PHETA1: variants seen among roughly 807,000 people sequenced by gnomAD.
PHETA1 encodes PH domain containing endocytic trafficking adaptor 1, also known as sesquipedalian-1.
For missense variants in PHETA1, 348 were observed against 373.5 expected (o/e 0.93, Z 0.56); for synonymous variants, 155 against 168.9 (o/e 0.92, Z 0.64).
chr12:111,362,784 G>T lies in PHETA1; in HGVS notation c.644C>A (p.Pro215His), dbSNP rs1428699153. The T allele has an allele frequency of 6.5e-7, 1 of 1,539,982 alleles. No individual in the cohort carries two copies. The highest frequency in any genetic ancestry group is 2.4e-5 in the East Asian group (1 of 40,844). Residue 215 changes from proline (P) to histidine (H), a missense_variant, in exon 3 of 3, where the codon CCC becomes CAC. Transcript: ENST00000683047. ...GGGGGCCATGTCCAGGGGCCCGTGGGGTGCCGAGGCCCGGCGGCGAGGCGG... is the reference window on the plus strand; with the variant it reads ...GGGGGCCATGTCCAGGGGCCCGTGGTGTGCCGAGGCCCGGCGGCGAGGCGG... ...PPPPRRRASA[P>H]HGPLDMAPFA...
chr12:111,366,529 C>G (rs1311935018), intron 1 of PHETA1, among the ~76,000 whole-genome samples: 2 of 152,144 alleles, frequency 1.3e-5, no homozygotes, highest in Non-Finnish European at 2.9e-5. Flanking sequence ...GTTGCCTAAT[C>G]TGTCCACTCC....
rs1358585540 is a variant in PHETA1, at chr12:111,361,595, C to T, written c.*1083G>A. 3 of 277,776 alleles carry T rather than the reference C, an allele frequency of 1.1e-5. 1 individual carries two copies. The highest frequency in any genetic ancestry group is 7.1e-5 in the South Asian group (2 of 28,270). 17.2% of individuals were successfully genotyped at this position (277,776 alleles called of 1,614,324 possible). A position where few individuals can be genotyped will look rare whatever the true frequency, so the allele number is the denominator to read the frequency against. On this transcript the variant is annotated 3_prime_UTR_variant, in exon 3 of 3. Coordinates refer to ENST00000683047, the MANE Select transcript of PHETA1 (RefSeq NM_144671.6). ...AAGAAAGGGGACCGGCGGTCAGCCC[C>T]GAAGCCAAGCAAGACCTGGTCCCCA...
In PHETA1 at chr12:111,363,339, C is replaced by T. The variant is rs749562682; in HGVS notation, c.89G>A (p.Arg30Gln). 3.1e-4 allele frequency: 504 copies of T among 1,612,968 alleles called. No homozygotes were observed. Among genetic ancestry groups the T allele is most frequent in the Non-Finnish European group, 4.0e-4 (472 of 1,179,946 alleles). Residue 30 changes from arginine to glutamine, a missense_variant, in exon 3 of 3, where the codon CGG becomes CAG. Arg to Gln is a conservative substitution (Grantham distance 43). Transcript: ENST00000683047. The surrounding 1 kb of genome is among the most constrained non-coding windows in gnomAD (Gnocchi z 7.4). Reference sequence around the variant, plus strand: ...CCAGCGCCGGTGGTAGGCCGCGTGCCGCCCACCCTTCTTGTACAGGAAGCC... The same window carrying T: ...CCAGCGCCGGTGGTAGGCCGCGTGCTGCCCACCCTTCTTGTACAGGAAGCC... ...NAGFLYKKGG[R>Q]HAAYHRRWFV...
In PHETA1 at chr12:111,363,733, A is replaced by C; in HGVS notation, c.-36-270T>G. ...ATGTTGTGAGTTCCTGCTGCATGCC[A>C]GACATTTCAGAGGAATGAACTCACT... On this transcript the variant is annotated intron_variant, in intron 2 of 2. Transcript: ENST00000683047. The surrounding 1 kb of genome is among the most constrained non-coding windows in gnomAD (Gnocchi z 7.4). 6.7e-7 allele frequency: 1 copy of C among 1,496,728 alleles called. No individual in the cohort carries two copies. Among genetic ancestry groups the C allele is most frequent in the Non-Finnish European group, 8.9e-7 (1 of 1,122,144 alleles). 92.7% of individuals were successfully genotyped at this position (1,496,728 alleles called of 1,614,324 possible).
In PHETA1 at chr12:111,363,412, G is replaced by A. The variant is rs748983328; in HGVS notation, c.16C>T (p.Arg6Cys). 8.1e-6 allele frequency: 13 copies of A among 1,610,474 alleles called. No individual in the cohort carries two copies. Among genetic ancestry groups the A allele is most frequent in the South Asian group, 7.7e-5 (7 of 90,940 alleles). Residue 6 changes from arginine (R) to cysteine (C), a missense_variant, in exon 3 of 3, where the codon CGC becomes TGC. Physicochemically the swap from Arg to Cys is radical, Grantham distance 180. Coordinates refer to ENST00000683047, the MANE Select transcript of PHETA1 (RefSeq NM_144671.6). The surrounding 1 kb of genome is among the most constrained non-coding windows in gnomAD (Gnocchi z 7.4). MKLNE[R>C]SLAFYATCDA... Reference sequence around the variant, plus strand: ...CAGGTGGCGTAGAAGGCCAGGCTGCGCTCGTTCAGCTTCATGGTGGCAATC... The same window carrying A: ...CAGGTGGCGTAGAAGGCCAGGCTGCACTCGTTCAGCTTCATGGTGGCAATC...
Position 111,368,692 on chromosome 12 carries a change from A to G in PHETA1, c.-182+220T>C, listed in dbSNP as rs1869174326. 6.6e-6 allele frequency among the ~76,000 whole-genome samples: 1 copy of G among 152,232 alleles called. No individual in the cohort carries two copies. Among genetic ancestry groups the G allele is most frequent in the Non-Finnish European group, 1.5e-5 (1 of 68,026 alleles). ...GCGGCAGAATGGGGGGCTTATCCGC[A>G]GTCCCCACCAGCGGCAGACGTCCCT... On this transcript the variant is annotated intron_variant, in intron 1 of 2. Transcript: ENST00000683047. This position sits in a 1 kb window ranked among gnomAD's most constrained non-coding sequence, Gnocchi z 5.0.
Position 111,363,103 on chromosome 12 carries a change from A to G in PHETA1, c.325T>C (p.Ser109Pro). Residue 109 changes from serine (S) to proline (P), a missense_variant, in exon 3 of 3, where the codon TCG (serine) becomes CCG (proline). By Grantham distance (74) the Ser-to-Pro change is moderately conservative. Coordinates refer to ENST00000683047, the MANE Select transcript of PHETA1 (RefSeq NM_144671.6). The surrounding 1 kb of genome is among the most constrained non-coding windows in gnomAD (Gnocchi z 7.4). ...CGCAGGTAGTCGAAGCTGGCACGCG[A>G]CAGGGCCTTGACCCAGCCCTCCATG... ...DAMEGWVKAL[S>P]RASFDYLRLV... is the part of the protein sequence containing the mutation. The G allele has an allele frequency of 6.2e-7, 1 of 1,601,216 alleles. No homozygotes were observed. The highest frequency in any genetic ancestry group is 8.5e-7 in the Non-Finnish European group (1 of 1,176,200).
In PHETA1 at chr12:111,362,751, C is replaced by T. The variant is rs546344753; in HGVS notation, c.677G>A (p.Arg226Gln). The change falls in exon 3 of 3, where the codon CGG becomes CAG. Residue 226 changes from arginine (R) to glutamine (Q), a missense_variant. Physicochemically the swap from Arg to Gln is conservative, Grantham distance 43 (BLOSUM62 1). Coordinates refer to ENST00000683047, the MANE Select transcript of PHETA1 (RefSeq NM_144671.6). ...HGPLDMAPFA[R>Q]LHECYGQEIR... ...CTCCTGGCCATAGCACTCGTGCAGCCGGGCGAAGGGGGCCATGTCCAGGGG... is the reference window on the plus strand; with the variant it reads ...CTCCTGGCCATAGCACTCGTGCAGCTGGGCGAAGGGGGCCATGTCCAGGGG... The T allele has an allele frequency of 3.1e-5, 48 of 1,541,866 alleles. No individual in the cohort carries two copies. In the African/African-American group the frequency reaches 3.3e-4, roughly 11 times the overall value.
In PHETA1 at chr12:111,363,474, T is replaced by A; in HGVS notation, c.-36-11A>T. ...AGGGGAGCCTGGGGCCTGGACCCCA[T>A]AGAAGGGCTGTTATGCACAAGGCCA... is the stretch of plus-strand genomic sequence containing the variant. On this transcript the variant is annotated splice_polypyrimidine_tract_variant and intron_variant, in intron 2 of 2. Coordinates refer to ENST00000683047, the MANE Select transcript of PHETA1 (RefSeq NM_144671.6). This position sits in a 1 kb window ranked among gnomAD's most constrained non-coding sequence, Gnocchi z 7.4. The A allele has an allele frequency of 1.3e-6, 2 of 1,587,550 alleles. No individual in the cohort carries two copies. The highest frequency in any genetic ancestry group is 2.3e-5 in the South Asian group (2 of 87,886).
chr12:111,364,812 C>T (rs944439932), intron 2 of PHETA1, among the ~76,000 whole-genome samples: 3 of 151,630 alleles, frequency 2.0e-5, no homozygotes, highest in Non-Finnish European at 4.4e-5. Context: ...CCTATAATCC[C>T]AGGTACTTGG....
rs1868645269 is a variant in PHETA1, at chr12:111,362,136, C to T, written c.*542G>A. ...CAGTCACTACCCTCCCAGCCACCGT[C>T]CTGCTCCTGGAGGCAGGCAGGCACA... is the stretch of plus-strand genomic sequence containing the variant. On this transcript the variant is annotated 3_prime_UTR_variant, in exon 3 of 3. Coordinates refer to ENST00000683047, the MANE Select transcript of PHETA1 (RefSeq NM_144671.6). 1 of 391,978 alleles carries T rather than the reference C, an allele frequency of 2.6e-6. No homozygotes were observed. 24.3% of individuals were successfully genotyped at this position (391,978 alleles called of 1,614,324 possible).
rs1482195024 is a variant in PHETA1 at position 111,363,872 on chromosome 12, G to A, written c.-36-409C>T. The A allele has an allele frequency of 1.5e-6, 1 of 658,502 alleles. No individual in the cohort carries two copies. Among genetic ancestry groups the A allele is most frequent in the Non-Finnish European group, 2.2e-6 (1 of 452,770 alleles). The allele number at this position is 658,502 out of a possible 1,614,324, so 40.8% of individuals were successfully genotyped here. ...TCCCTGGTGTCACAAAGCAGGTTGGGCAGGGCTGAAATCCAAACCCAGGCC... is the reference window on the plus strand; with the variant it reads ...TCCCTGGTGTCACAAAGCAGGTTGGACAGGGCTGAAATCCAAACCCAGGCC... On this transcript the variant is annotated intron_variant, in intron 2 of 2. Coordinates refer to ENST00000683047, the MANE Select transcript of PHETA1 (RefSeq NM_144671.6). The surrounding 1 kb of genome is among the most constrained non-coding windows in gnomAD (Gnocchi z 7.4).
chr12:111,362,850 G>T lies in PHETA1; in HGVS notation c.578C>A (p.Thr193Asn). 1 of 1,538,564 alleles carries T rather than the reference G, an allele frequency of 6.5e-7. No homozygotes were observed. The highest frequency in any genetic ancestry group is 1.2e-5 in the South Asian group (1 of 83,882). The change falls in exon 3 of 3, where the codon ACT (threonine) becomes AAT (asparagine). Residue 193 changes from threonine to asparagine, a missense_variant. Transcript: ENST00000683047. ...PKENGCAVWSTEATFRPGPEP... is the reference protein window; with the variant it reads ...PKENGCAVWSNEATFRPGPEP... ...GGGTCCAGGCCTGAAGGTGGCCTCAGTGCTCCAGACAGCGCAGCCATTCTC... is the reference window on the plus strand; with the variant it reads ...GGGTCCAGGCCTGAAGGTGGCCTCATTGCTCCAGACAGCGCAGCCATTCTC...
In PHETA1 at chr12:111,363,154, C is replaced by T. The variant is rs769647578; in HGVS notation, c.274G>A (p.Val92Met). The change falls in exon 3 of 3, where the codon GTG becomes ATG. Residue 92 changes from valine to methionine, a missense_variant. Coordinates refer to ENST00000683047, the MANE Select transcript of PHETA1 (RefSeq NM_144671.6). The surrounding 1 kb of genome is among the most constrained non-coding windows in gnomAD (Gnocchi z 7.4). ...GCATCCTGACTCTCAGCGGCCAGCA[C>T]GTAGGTGCGCGCCCGGGTCCCCGCA... ...RFAGTRARTY[V>M]LAAESQDAME... is the part of the protein sequence containing the mutation. The T allele has an allele frequency of 3.7e-6, 6 of 1,611,270 alleles. No homozygotes were observed. The highest frequency in any genetic ancestry group is 3.3e-5 in the South Asian group (3 of 91,016).
chr12:111,362,461 T>C lies in PHETA1; in HGVS notation c.*217A>G. Reference sequence around the variant, plus strand: ...CTTAGTGTTGCACGTGACGTTCCCCTCAAGGGTAGGCCTTCTGGGTCACAT... The same window carrying C: ...CTTAGTGTTGCACGTGACGTTCCCCCCAAGGGTAGGCCTTCTGGGTCACAT... On this transcript the variant is annotated 3_prime_UTR_variant, in exon 3 of 3. Coordinates refer to ENST00000683047, the MANE Select transcript of PHETA1 (RefSeq NM_144671.6). 7.9e-7 allele frequency: 1 copy of C among 1,259,650 alleles called. No homozygotes were observed. Among genetic ancestry groups the C allele is most frequent in the Non-Finnish European group, 1.1e-6 (1 of 936,030 alleles). The allele number at this position is 1,259,650 out of a possible 1,614,324, so 78.0% of individuals were successfully genotyped here. A position where few individuals can be genotyped will look rare whatever the true frequency, so the allele number is the denominator to read the frequency against.
At position 111,362,856 on chromosome 12, in the gene PHETA1, C is replaced by T; in HGVS notation, c.572G>A (p.Trp191Ter). Residue 191 changes from tryptophan to a stop codon, truncating the protein, a stop_gained, in exon 3 of 3, where the codon TGG (tryptophan) becomes TAG (stop). Coordinates refer to ENST00000683047, the MANE Select transcript of PHETA1 (RefSeq NM_144671.6). LOFTEE classifies it low-confidence loss of function (END_TRUNC). ...AGGCCTGAAGGTGGCCTCAGTGCTC[C>T]AGACAGCGCAGCCATTCTCCTTGGG... ...LPPKENGCAV[W>*]STEATFRPGP... 7 of 1,537,728 alleles carry T rather than the reference C, an allele frequency of 4.6e-6. No individual in the cohort carries two copies. The highest frequency in any genetic ancestry group is 6.1e-6 in the Non-Finnish European group (7 of 1,145,632).
chr12:111,366,993 G>C (rs986263443), intron 1 of PHETA1, among the ~76,000 whole-genome samples: 1 of 150,734 alleles, frequency 6.6e-6, no homozygotes, highest in South Asian at 2.1e-4. Context: ...CCTTGAACTT[G>C]GGGGGTGACA....
rs77376803 is a variant in PHETA1, at chr12:111,367,321, C to T, written c.-181-1064G>A. On this transcript the variant is annotated intron_variant, in intron 1 of 2. Coordinates refer to ENST00000683047, the MANE Select transcript of PHETA1 (RefSeq NM_144671.6). The surrounding 1 kb of genome is among the most constrained non-coding windows in gnomAD (Gnocchi z 4.0). ...CTGTGCCTCCACCTGAAATTAATAC[C>T]TGGGTCATTTCTGCCTGCAGGGGCG... Among the ~76,000 whole-genome samples, 1,792 of 152,268 alleles carry T rather than the reference C, an allele frequency of 0.012. 73 individuals are homozygous for T. In the East Asian group the frequency reaches 0.13, roughly 11 times the overall value.
rs1029864991 is a variant in PHETA1 at position 111,368,272 on chromosome 12, G to A, written c.-182+640C>T. Among the ~76,000 whole-genome samples, 11 of 152,124 alleles carry A rather than the reference G, an allele frequency of 7.2e-5. No individual in the cohort carries two copies. The highest frequency in any genetic ancestry group is 2.7e-4 in the African/African-American group (11 of 41,406). On this transcript the variant is annotated intron_variant, in intron 1 of 2. Coordinates refer to ENST00000683047, the MANE Select transcript of PHETA1 (RefSeq NM_144671.6). The surrounding 1 kb of genome is among the most constrained non-coding windows in gnomAD (Gnocchi z 5.0). ...TTCATCCAAGATCTCCAGGGGCACA[G>A]CTGGCCCCGGAACCCAGGTCTCCTG... is the stretch of plus-strand genomic sequence containing the variant.
Sources: allele counts gnomAD v4.1 joint callset (sites outside exome capture counted in the v4.1 genomes callset), GRCh38; gene constraint gnomAD v4.1.1; non-coding constraint Gnocchi (gnomAD v3.1); transcripts MANE v1.5; gene names NCBI Gene and HGNC (gene_info 2026-07-23, HGNC 2026-07-21).